Variants in ALK observed in about 807,000 individuals in gnomAD.
ALK encodes the protein ALK tyrosine kinase receptor.
ALK carries 74 observed loss-of-function variants against 163.1 expected under a neutral mutation model. The ratio of observed to expected loss-of-function variants is 0.45; its 90% CI spans 0.38 to 0.55. The LOEUF is 0.55. ALK is among the 20% of genes least tolerant of loss of function. The pLI is 0.00. For missense variants in ALK, 2,063 were observed against 2,105.3 expected (o/e 0.98, Z 0.39); for synonymous variants, 960 against 843.2 (o/e 1.14, Z -2.40).
intron 1 of ALK, among the ~76,000 whole-genome samples, chr2:29,797,986 C>T (rs1316650281): frequency 6.6e-6 from 1 of 152,124 alleles, no homozygotes; most frequent in African/African-American, 2.4e-5. Context: ...TCCATATCTT[C>T]CTGGTTAGTA....
In ALK at chr2:29,281,087, G is replaced by T. The variant is rs558084517; in HGVS notation, c.1818-5591C>A. On this transcript the variant is annotated intron_variant, in intron 9 of 28. Transcript: ENST00000389048. ...GAAAAGTTCTAGTATGTACCAGGTG[G>T]TCCATTCTAGGATTGAAGGAAAGTT... 7.3e-5 allele frequency among the ~76,000 whole-genome samples: 11 copies of T among 149,982 alleles called. No homozygotes were observed. In the South Asian group the frequency reaches 2.3e-3, roughly 32 times the overall value.
chr2:29,366,083 C>T (rs2148289835), intron 5 of ALK, among the ~76,000 whole-genome samples: 1 of 152,210 alleles, frequency 6.6e-6, no homozygotes, highest in South Asian at 2.1e-4. Flanking sequence ...AAGATATGGA[C>T]TATTTGAGAG....
At chr2:29,830,383 A>G (rs995794807) in intron 1 of ALK, among the ~76,000 whole-genome samples, 3 of 152,148 alleles carry the variant, frequency 2.0e-5, no homozygotes, top group African/African-American at 7.2e-5. Flanking sequence ...CCCACTGACC[A>G]CCATCACCTT....
chr2:29,849,073 C>T (rs964685699), intron 1 of ALK, among the ~76,000 whole-genome samples: 2 of 152,140 alleles, frequency 1.3e-5, no homozygotes, highest in Non-Finnish European at 2.9e-5. Context: ...CAGGAGCGTC[C>T]TCGAGCTGCC....
At chr2:29,895,004 G>A (rs1667233868) in intron 1 of ALK, among the ~76,000 whole-genome samples, 1 of 152,094 alleles carries the variant, frequency 6.6e-6, no homozygotes, top group South Asian at 2.1e-4. Flanking sequence ...ACCTCCATAT[G>A]TCAAGTCATG....
chr2:29,591,249 T>C (rs1675049408), intron 3 of ALK, among the ~76,000 whole-genome samples: 2 of 152,158 alleles, frequency 1.3e-5, no homozygotes, highest in Non-Finnish European at 2.9e-5. Flanking sequence ...CCAATTTCAT[T>C]TATCAGGTCC....
chr2:29,861,531 G>GA (rs1666291292), intron 1 of ALK, among the ~76,000 whole-genome samples: 1 of 152,020 alleles, frequency 6.6e-6, no homozygotes, highest in Non-Finnish European at 1.5e-5. Context: ...AATAATCTAG[G>GA]AAAAATGGAT....
In ALK at chr2:29,848,447, C is replaced by T. The variant is rs1024653847; in HGVS notation, c.667+71546G>A. ...TGTATGCAGATATGTGCTTTCTAAC[C>T]ATACCACCTTCAAGGTAATTACCAA... On this transcript the variant is annotated intron_variant, in intron 1 of 28. Coordinates refer to ENST00000389048, the MANE Select transcript of ALK (RefSeq NM_004304.5). Among the ~76,000 whole-genome samples, 4 of 152,046 alleles carry T rather than the reference C, an allele frequency of 2.6e-5. No homozygotes were observed. The South Asian group carries it at 8.3e-4, about 32-fold the overall frequency.
At chr2:29,460,546 C>T in intron 4 of ALK, among the ~76,000 whole-genome samples, 1 of 152,124 alleles carries the variant, frequency 6.6e-6, no homozygotes, top group East Asian at 1.9e-4. Flanking sequence ...TACAATATTT[C>T]AAATTTTTTC....
At chr2:29,281,614 G>C (rs1387258490) in intron 9 of ALK, among the ~76,000 whole-genome samples, 2 of 152,208 alleles carry the variant, frequency 1.3e-5, no homozygotes, top group African/African-American at 4.8e-5. Flanking sequence ...TATTAAAACA[G>C]ACTTGGCTAG....
At chr2:29,719,442 G>A (rs1034547056) in intron 1 of ALK, among the ~76,000 whole-genome samples, 1 of 152,206 alleles carries the variant, frequency 6.6e-6, no homozygotes, top group Non-Finnish European at 1.5e-5. Context: ...CTGTTTCGTA[G>A]ATAGGCAATG....
At chr2:29,201,187 CA>C (rs1669170427) in intron 26 of ALK, among the ~76,000 whole-genome samples, 1 of 151,968 alleles carries the variant, frequency 6.6e-6, no homozygotes, top group Non-Finnish European at 1.5e-5. Flanking sequence ...TTTAAATGTC[CA>C]TCCAGTGGAT....
intron 3 of ALK, among the ~76,000 whole-genome samples, chr2:29,679,713 G>C (rs532631231): frequency 3.6e-5 from 5 of 139,610 alleles, no homozygotes; most frequent in African/African-American, 1.2e-4. Context: ...TGTCTTTTAA[G>C]ATGTTAAGAG....
intron 4 of ALK, among the ~76,000 whole-genome samples, chr2:29,440,049 T>G: frequency 6.6e-6 from 1 of 151,694 alleles, no homozygotes; most frequent in East Asian, 2.0e-4. Context: ...CTGGCCAACA[T>G]GGTGAAACCC....
rs868287822 is a variant in ALK, at chr2:29,776,149, T to C, written c.668-58452A>G. On this transcript the variant is annotated intron_variant, in intron 1 of 28. Transcript: ENST00000389048. ...CACAAGGCTTAATTATATTCAGACC[T>C]TCCTGGAAGAAGCATGACATATGTA... 4.0e-5 allele frequency among the ~76,000 whole-genome samples: 6 copies of C among 151,386 alleles called. 1 individual carries two copies. The highest frequency in any genetic ancestry group is 6.8e-3 in the Middle Eastern group (2 of 294).
intron 4 of ALK, among the ~76,000 whole-genome samples, chr2:29,486,758 G>A (rs1671784441): frequency 6.6e-6 from 1 of 152,158 alleles, no homozygotes; most frequent in South Asian, 2.1e-4. Flanking sequence ...ATAATTTACT[G>A]ATATTGTGGT....
At chr2:29,712,456 C>G (rs906069742) in intron 2 of ALK, among the ~76,000 whole-genome samples, 5 of 152,204 alleles carry the variant, frequency 3.3e-5, no homozygotes, top group Admixed American at 6.5e-5. Context: ...TTCACTGACA[C>G]CAGTGCTCCT....
intron 1 of ALK, among the ~76,000 whole-genome samples, chr2:29,876,571 ATGG>A (rs1666718618): frequency 6.8e-6 from 1 of 146,130 alleles, no homozygotes; most frequent in South Asian, 2.3e-4. Flanking sequence ...GATGATGCTG[ATGG>A]TGGTGGTGAT....
intron 4 of ALK, among the ~76,000 whole-genome samples, chr2:29,455,042 G>A (rs970418865): frequency 5.9e-5 from 9 of 152,046 alleles, no homozygotes; most frequent in East Asian, 3.9e-4. Context: ...CTCTCATTCC[G>A]AGCTCTTGAA....
Sources: allele counts gnomAD v4.1 joint callset (sites outside exome capture counted in the v4.1 genomes callset), GRCh38; gene constraint gnomAD v4.1.1; transcripts MANE v1.5; gene names NCBI Gene and HGNC (gene_info 2026-07-23, HGNC 2026-07-21).